The following HLA-DRB1 variants were observed in gnomAD, a reference collection of about 807,000 sequenced individuals.
HLA-DRB1 encodes major histocompatibility complex, class II, DR beta 1 precursor.
A neutral mutation model predicts 27.9 loss-of-function variants in HLA-DRB1; 10 were observed. That is an observed-to-expected ratio of 0.36 (90% CI 0.22 to 0.61). The LOEUF (loss-of-function observed/expected upper bound fraction) is 0.61. Ranked by LOEUF, HLA-DRB1 falls within the 20% of genes least tolerant of loss-of-function variation. HLA-DRB1 has a pLI of 0.73. For missense variants in HLA-DRB1, 118 were observed against 306.3 expected (o/e 0.39, Z 4.59); for synonymous variants, 57 against 126.7 (o/e 0.45, Z 3.69).
rs35109569 is a variant in HLA-DRB1, at chr6:32,587,441, G to C, written c.100+2202C>G. On this transcript the variant is annotated intron_variant, in intron 1 of 5. Transcript: ENST00000360004. Reference sequence around the variant, plus strand: ...TAATAAAATTTAATTTTTTTTTACTGTGGACATCAGAGCCTATAATGATGA... The same window carrying C: ...TAATAAAATTTAATTTTTTTTTACTCTGGACATCAGAGCCTATAATGATGA... Among the ~76,000 whole-genome samples, 4 of 59,720 alleles carry C rather than the reference G, an allele frequency of 6.7e-5. 2 individuals carry two copies. Among genetic ancestry groups the C allele is most frequent in the Non-Finnish European group, 1.4e-4 (4 of 29,330 alleles). The allele number at this position is 59,720 out of a possible 152,430, so 39.2% of individuals were successfully genotyped here. A position where few individuals can be genotyped will look rare whatever the true frequency, so the allele number is the denominator to read the frequency against.
chr6:32,587,959 A>C (rs34977123), intron 1 of HLA-DRB1, among the ~76,000 whole-genome samples: 13,861 of 133,048 alleles, frequency 0.1, 7 homozygotes, highest in East Asian at 0.13. Flanking sequence ...AAACCAGGGT[A>C]TGGGAACTGA....
At chr6:32,582,936 T>C (rs1328842256) in intron 2 of HLA-DRB1, among the ~76,000 whole-genome samples, 1 of 140,138 alleles carries the variant, frequency 7.1e-6, no homozygotes, top group Non-Finnish European at 1.5e-5. Context: ...AGATGGATTG[T>C]AGATCATTAA....
At chr6:32,585,809 G>C (rs34830402) in intron 1 of HLA-DRB1, among the ~76,000 whole-genome samples, 54,544 of 136,022 alleles carry the variant, frequency 0.4, 11,902 homozygotes, top group Middle Eastern at 0.54. Flanking sequence ...CACTAAATTT[G>C]TAATACTGGG....
intron 1 of HLA-DRB1, among the ~76,000 whole-genome samples, chr6:32,588,971 A>C (rs1776952165): frequency 9.0e-6 from 1 of 110,616 alleles, no homozygotes; most frequent in African/African-American, 3.3e-5. Context: ...AGAATACCTC[A>C]TAAATGCTCT....
intron 1 of HLA-DRB1, among the ~76,000 whole-genome samples, chr6:32,584,593 C>T (rs1411326357): frequency 3.9e-5 from 5 of 127,356 alleles, no homozygotes; most frequent in Admixed American, 3.9e-4. Flanking sequence ...CCTTCTCATC[C>T]CCAGGCTTTT....
chr6:32,583,819 C>G lies in HLA-DRB1; in HGVS notation c.370+290G>C, dbSNP rs34852437. Among the ~76,000 whole-genome samples the G allele has an allele frequency of 2.5e-3, 189 of 74,446 alleles. 25 individuals are homozygous for G. The highest frequency in any genetic ancestry group is 9.8e-3 in the South Asian group (19 of 1,940). The allele number at this position is 74,446 out of a possible 152,430, so 48.8% of individuals were successfully genotyped here. ...AGCACCCACCTCCCTTGTCACCTCC[C>G]CACAGAGGTCTCCAAGGATAAGAAA... On this transcript the variant is annotated intron_variant, in intron 2 of 5. Transcript: ENST00000360004.
chr6:32,583,019 C>A (rs9269873), intron 2 of HLA-DRB1, among the ~76,000 whole-genome samples: 48,133 of 103,434 alleles, frequency 0.47, 10,868 homozygotes, highest in Middle Eastern at 0.65. Flanking sequence ...TTTCAAAATC[C>A]ACATACAAAC....
intron 2 of HLA-DRB1, among the ~76,000 whole-genome samples, chr6:32,583,024 A>T (rs1283695364): frequency 7.1e-6 from 1 of 139,880 alleles, no homozygotes; most frequent in Non-Finnish European, 1.5e-5. Context: ...AAATCCACAT[A>T]CAAACCACAA....
intron 2 of HLA-DRB1, among the ~76,000 whole-genome samples, chr6:32,582,306 CA>C (rs1775660296): frequency 1.8e-5 from 1 of 56,506 alleles, no homozygotes; most frequent in African/African-American, 9.2e-5. Flanking sequence ...ATATATAAAA[CA>C]ATGACTGAAG....
rs1775655984 is a variant in HLA-DRB1 at position 32,582,290 on chromosome 6, C to CTTTT, written c.371-453_371-452insAAAA. On this transcript the variant is annotated intron_variant, in intron 2 of 5. Transcript: ENST00000360004. ...TTGGGGTTATATGAGGATTAATGCACGTAAAATATATAAAACAATGACTGA... is the reference window on the plus strand; with the variant it reads ...TTGGGGTTATATGAGGATTAATGCACTTTTGTAAAATATATAAAACAATGACTGA... Among the ~76,000 whole-genome samples the CTTTT allele has an allele frequency of 3.4e-4, 42 of 124,400 alleles. 2 individuals are homozygous for CTTTT. In the East Asian group the frequency reaches 0.01, roughly 31 times the overall value. 81.6% of individuals were successfully genotyped at this position (124,400 alleles called of 152,430 possible).
At chr6:32,585,941 G>T (rs1776318921) in intron 1 of HLA-DRB1, among the ~76,000 whole-genome samples, 1 of 115,770 alleles carries the variant, frequency 8.6e-6, no homozygotes, top group East Asian at 2.9e-4. Context: ...CACAGTCATT[G>T]CAAAATGTTA....
At chr6:32,586,106 T>C (rs34512594) in intron 1 of HLA-DRB1, among the ~76,000 whole-genome samples, 12,810 of 95,838 alleles carry the variant, frequency 0.13, 6 homozygotes, top group East Asian at 0.2. Context: ...TTTGCATGAG[T>C]AGTCACCACT....
chr6:32,580,762 G>A (rs1218850675), exon 4 of HLA-DRB1: 2 of 1,612,352 alleles, frequency 1.2e-6, no homozygotes, highest in East Asian at 2.2e-5. Context: ...GATTCCTGAA[G>A]TAGATGAACA....
chr6:32,588,177 TG>T (rs1180038950), intron 1 of HLA-DRB1, among the ~76,000 whole-genome samples: 2 of 131,124 alleles, frequency 1.5e-5, no homozygotes, highest in East Asian at 4.7e-4. Flanking sequence ...CTCTTTTGCC[TG>T]GGCACAGTGT....
chr6:32,587,937 G>C (rs28724162), intron 1 of HLA-DRB1, among the ~76,000 whole-genome samples: 31,009 of 140,958 alleles, frequency 0.22, 917 homozygotes, highest in East Asian at 0.27. Context: ...AATAAGTGTG[G>C]TTTACATGAA....
rs1384756837 is a variant in HLA-DRB1 at position 32,584,120 on chromosome 6, A to G, written c.359T>C (p.Val120Ala). ...GCGGCCATGCTCACCTCGCCGCTGC[A>G]CTGTGAAGCTCTCCACAACCCCGTA... The change falls in exon 2 of 6, where the codon GTG (valine) becomes GCG (alanine). Residue 120 changes from valine to alanine, a missense_variant. By Grantham distance (64) the Val-to-Ala change is moderately conservative (BLOSUM62 0). Coordinates refer to ENST00000360004, the Ensembl canonical transcript of HLA-DRB1. 3 of 1,399,850 alleles carry G rather than the reference A, an allele frequency of 2.1e-6. 1 individual carries two copies. Among genetic ancestry groups the G allele is most frequent in the African/African-American group, 3.6e-5 (2 of 55,840 alleles). 86.7% of individuals were successfully genotyped at this position (1,399,850 alleles called of 1,614,324 possible).
chr6:32,585,604 TTCA>T (rs146319445), intron 1 of HLA-DRB1, among the ~76,000 whole-genome samples: 27,684 of 140,900 alleles, frequency 0.2, 3,128 homozygotes, highest in African/African-American at 0.22. Context: ...AATTAGTATC[TTCA>T]TCATGATTTT....
Position 32,589,621 on chromosome 6 carries a change from A to T in HLA-DRB1, c.100+22T>A, listed in dbSNP as rs35917994. ...TATTTTCCCCACCCCATAGTAGCTC[A>T]GCACCCGCAATGTGCACTTACGTCG... On this transcript the variant is annotated intron_variant, in intron 1 of 5. Coordinates refer to ENST00000360004, the Ensembl canonical transcript of HLA-DRB1. The T allele has an allele frequency of 1.1e-3, 837 of 751,146 alleles. 1 individual carries two copies. The highest frequency in any genetic ancestry group is 2.7e-3 in the African/African-American group (78 of 28,900). 46.5% of individuals were successfully genotyped at this position (751,146 alleles called of 1,614,324 possible).
At chr6:32,584,495 A>C (rs9269969) in intron 1 of HLA-DRB1, 117 bp from the exon 2 acceptor site, 112,323 of 586,876 alleles carry the variant, frequency 0.19, 13,845 homozygotes, top group Middle Eastern at 0.4. Context: ...AACCGGCCCC[A>C]CCCGCAACGC....
Sources: allele counts gnomAD v4.1 joint callset (sites outside exome capture counted in the v4.1 genomes callset), GRCh38; gene constraint gnomAD v4.1.1; transcripts MANE v1.5; gene names NCBI Gene and HGNC (gene_info 2026-07-23, HGNC 2026-07-21).